The following CSK variants were observed in gnomAD, a reference collection of about 807,000 sequenced individuals.
The protein encoded by CSK is C-terminal Src kinase.
In CSK, 7 loss-of-function variants were observed where a neutral mutation model predicts 62.3. The observed-to-expected ratio is 0.11, with a 90% CI of 0.06 to 0.21. The LOEUF (loss-of-function observed/expected upper bound fraction) is 0.21. CSK is among the 10% of genes least tolerant of loss of function. CSK has a pLI of 1.00. For synonymous variants in CSK, 237 were observed against 246.0 expected (o/e 0.96, Z 0.34); for missense variants, 294 against 613.5 (o/e 0.48, Z 5.50).
chr15:74,798,344 A>G lies in CSK; in HGVS notation c.15+32A>G, dbSNP rs759294003. On this transcript the variant is annotated intron_variant, in intron 2 of 12. Transcript: ENST00000220003. This position sits in a 1 kb window ranked among gnomAD's most constrained non-coding sequence, Gnocchi z 6.6. ...CAGGGGTGAGGGTCTGGGACATGCA[A>G]GCATTCCCACCAGCCCCAGCGGGGT... The G allele has an allele frequency of 6.3e-7, 1 of 1,592,842 alleles. No homozygotes were observed. Among genetic ancestry groups the G allele is most frequent in the Non-Finnish European group, 8.6e-7 (1 of 1,167,116 alleles).
intron 1 of CSK, among the ~76,000 whole-genome samples, chr15:74,796,969 CTCACTCTGTCGCCCAGGCTGGAGT>C (rs2063716257): frequency 1.3e-5 from 2 of 152,060 alleles, no homozygotes; most frequent in African/African-American, 4.8e-5. Flanking sequence ...GAGGCAGGGT[CTCACTCTGTCGCCCAGGCTGGAGT>C]GCAGTGGTGT....
In CSK at chr15:74,798,907, G is replaced by A; in HGVS notation, c.211G>A (p.Val71Met). The change falls in exon 4 of 13, where the codon GTG (valine) becomes ATG (methionine). Residue 71 changes from valine (V) to methionine (M), a missense_variant. By Grantham distance (21) the Val-to-Met change is conservative. This residue lies in a region of CSK where 202 missense variants were observed against 415.7 expected (regional missense o/e 0.49). Transcript: ENST00000220003. This position sits in a 1 kb window ranked among gnomAD's most constrained non-coding sequence, Gnocchi z 6.6. ...CAACTACGTCCAGAAGCGGGAGGGC[G>A]TGAAGGCGGGTACCAAACTCAGCCT... Reference protein sequence around the residue: ...PANYVQKREGVKAGTKLSLMP... With the variant: ...PANYVQKREGMKAGTKLSLMP... 3 of 1,537,802 alleles carry A rather than the reference G, an allele frequency of 2.0e-6. No homozygotes were observed. The highest frequency in any genetic ancestry group is 2.6e-6 in the Non-Finnish European group (3 of 1,143,352).
chr15:74,785,721 C>T (rs983781610), intron 1 of CSK, among the ~76,000 whole-genome samples: 2 of 152,182 alleles, frequency 1.3e-5, no homozygotes, highest in South Asian at 2.1e-4. Flanking sequence ...GCCTGAGCCA[C>T]GGGCCAATGT....
chr15:74,791,382 TC>T (rs1351046505), intron 1 of CSK, among the ~76,000 whole-genome samples: 3 of 152,198 alleles, frequency 2.0e-5, no homozygotes, highest in Non-Finnish European at 4.4e-5. Context: ...TTACTCTATC[TC>T]TTCTTTTATC....
At chr15:74,790,853 G>A (rs946646490) in intron 1 of CSK, 1 of 152,216 alleles carries the variant, frequency 6.6e-6, no homozygotes, top group Non-Finnish European at 1.5e-5. Context: ...GCCACAACCA[G>A]TGAGGTTCTC....
intron 10 of CSK, 47 bp from the exon 11 acceptor site, chr15:74,801,648 C>A: frequency 6.2e-7 from 1 of 1,610,044 alleles, no homozygotes; most frequent in Non-Finnish European, 8.5e-7. Context: ...CCCTGCCCTG[C>A]TATGGGAGCC....
chr15:74,783,810 A>G (rs2063475374), intron 1 of CSK, among the ~76,000 whole-genome samples: 3 of 152,200 alleles, frequency 2.0e-5, no homozygotes, highest in South Asian at 4.1e-4. Context: ...CTGAGTTGAA[A>G]CAACCTGGTG....
rs74607979 is a variant in CSK at position 74,798,957 on chromosome 15, G to A, written c.242+19G>A. The A allele has an allele frequency of 6.7e-7, 1 of 1,487,114 alleles. No individual in the cohort carries two copies. Among genetic ancestry groups the A allele is most frequent in the African/African-American group, 2.0e-5 (1 of 49,578 alleles). The allele number at this position is 1,487,114 out of a possible 1,614,324, so 92.1% of individuals were successfully genotyped here. On this transcript the variant is annotated intron_variant, in intron 4 of 12. Coordinates refer to ENST00000220003, the MANE Select transcript of CSK (RefSeq NM_004383.3). This position sits in a 1 kb window ranked among gnomAD's most constrained non-coding sequence, Gnocchi z 6.6. ...TCATGCCGTGAGTACCACGAGGAGG[G>A]GTTGGGGAGGGAAGGGGCCTTGGTC...
chr15:74,800,173 G>A (rs2063766861), intron 5 of CSK, among the ~76,000 whole-genome samples: 1 of 152,236 alleles, frequency 6.6e-6, no homozygotes, highest in South Asian at 2.1e-4. Context: ...ATGGGGCCCA[G>A]AGTGGTAGCA....
At position 74,801,164 on chromosome 15, in the gene CSK, T is replaced by C. The variant is rs752623253; in HGVS notation, c.813+62T>C. ...AACTGCCCCGAAACCCCCACTGTGCTCTAGGGCCCCTGCTCCCTCAGTCCC... is the reference window on the plus strand; with the variant it reads ...AACTGCCCCGAAACCCCCACTGTGCCCTAGGGCCCCTGCTCCCTCAGTCCC... On this transcript the variant is annotated intron_variant, in intron 9 of 12. Transcript: ENST00000220003. 246 of 1,582,584 alleles carry C rather than the reference T, an allele frequency of 1.6e-4. 1 individual carries two copies. Among genetic ancestry groups the C allele is most frequent in the Non-Finnish European group, 1.4e-4 (157 of 1,153,164 alleles).
chr15:74,787,387 C>T (rs2063539385), intron 1 of CSK, among the ~76,000 whole-genome samples: 1 of 151,920 alleles, frequency 6.6e-6, no homozygotes, highest in Non-Finnish European at 1.5e-5. Flanking sequence ...TGATGTGGCC[C>T]ATTAAGTGTA....
At chr15:74,783,032 A>T (rs2063460619) in intron 1 of CSK, among the ~76,000 whole-genome samples, 1 of 152,142 alleles carries the variant, frequency 6.6e-6, no homozygotes, top group Admixed American at 6.5e-5. Context: ...GAGGATCCGT[A>T]TGGGCCAGGT....
At position 74,795,629 on chromosome 15, in the gene CSK, C is replaced by T. The variant is rs79447434; in HGVS notation, c.-65-2604C>T. On this transcript the variant is annotated intron_variant, in intron 1 of 12. Coordinates refer to ENST00000220003, the MANE Select transcript of CSK (RefSeq NM_004383.3). ...GGATTACAAAGTATGTGTGTGCAGACGGGTGGGTTGCTGCTCTCAGGGAAT... is the reference window on the plus strand; with the variant it reads ...GGATTACAAAGTATGTGTGTGCAGATGGGTGGGTTGCTGCTCTCAGGGAAT... 7.1e-3 allele frequency among the ~76,000 whole-genome samples: 1,087 copies of T among 152,210 alleles called. 9 individuals carry two copies. Among genetic ancestry groups the T allele is most frequent in the African/African-American group, 0.024 (1,006 of 41,536 alleles).
chr15:74,801,197 C>T, intron 9 of CSK, 95 bp downstream of exon 9: 2 of 1,406,718 alleles, frequency 1.4e-6, no homozygotes, highest in Admixed American at 1.7e-5. Flanking sequence ...CCCCCGACCC[C>T]AAGTGAGCTT....
chr15:74,798,484 C>A lies in CSK; in HGVS notation c.16-131C>A. ...AGTCTCAACAGGAAGGGACCCAGGG[C>A]TCGTTCTCCGGGCAGAGCACCTCAC... On this transcript the variant is annotated intron_variant, in intron 2 of 12. Coordinates refer to ENST00000220003, the MANE Select transcript of CSK (RefSeq NM_004383.3). This position sits in a 1 kb window ranked among gnomAD's most constrained non-coding sequence, Gnocchi z 6.6. The A allele has an allele frequency of 8.2e-7, 1 of 1,215,250 alleles. No individual in the cohort carries two copies. The highest frequency in any genetic ancestry group is 1.5e-5 in the African/African-American group (1 of 66,470). The allele number at this position is 1,215,250 out of a possible 1,614,324, so 75.3% of individuals were successfully genotyped here.
At chr15:74,791,732 C>T (rs35231030) in intron 1 of CSK, among the ~76,000 whole-genome samples, 7,208 of 152,234 alleles carry the variant, frequency 0.047, 574 homozygotes, top group African/African-American at 0.17. Context: ...ATGAAGAGTC[C>T]GGGCCAGTTG....
In CSK at chr15:74,802,550, C is replaced by T. The variant is rs2063809710; in HGVS notation, c.*37C>T. 6.2e-7 allele frequency: 1 copy of T among 1,601,880 alleles called. No individual in the cohort carries two copies. The highest frequency in any genetic ancestry group is 1.3e-5 in the African/African-American group (1 of 74,136). On this transcript the variant is annotated 3_prime_UTR_variant, in exon 13 of 13. Coordinates refer to ENST00000220003, the MANE Select transcript of CSK (RefSeq NM_004383.3). ...CGCCTGGGTCATGGGCCTGTGGGGA[C>T]TGAACCTGGAAGATCATGGACCTGG...
chr15:74,790,727 T>C lies in CSK; in HGVS notation c.-65-7506T>C, dbSNP rs1406159661. The C allele has an allele frequency of 2.0e-5, 3 of 152,382 alleles. No homozygotes were observed. In the East Asian group the frequency reaches 5.8e-4, roughly 29 times the overall value. 9.4% of individuals were successfully genotyped at this position (152,382 alleles called of 1,614,324 possible). A position where few individuals can be genotyped will look rare whatever the true frequency, so the allele number is the denominator to read the frequency against. On this transcript the variant is annotated intron_variant, in intron 1 of 12. Coordinates refer to ENST00000220003, the MANE Select transcript of CSK (RefSeq NM_004383.3). ...CGTCCCCTTTTTTTCATTCGTTCAT[T>C]CATTCATTCATTCAGCACTCATTTA... is the stretch of plus-strand genomic sequence containing the variant.
At position 74,799,949 on chromosome 15, in the gene CSK, G is replaced by A. The variant is rs35628778; in HGVS notation, c.462+458G>A. On this transcript the variant is annotated intron_variant, in intron 5 of 12. Coordinates refer to ENST00000220003, the MANE Select transcript of CSK (RefSeq NM_004383.3). ...TGCACGGACATGCCCACAGGTCCCTGCAGCTTCCCAGGCCAGCTCTGCCAG... is the reference window on the plus strand; with the variant it reads ...TGCACGGACATGCCCACAGGTCCCTACAGCTTCCCAGGCCAGCTCTGCCAG... Among the ~76,000 whole-genome samples the A allele has an allele frequency of 1.4e-3, 206 of 152,306 alleles. 2 individuals carry two copies. Among genetic ancestry groups the A allele is most frequent in the Middle Eastern group, 6.8e-3 (2 of 294 alleles).
Sources: gnomAD v4.1 joint callset for allele counts (sites outside exome capture counted in the v4.1 genomes callset) on GRCh38, gnomAD v4.1.1 for gene constraint, gnomAD v4.1.1 regional missense constraint, Gnocchi (gnomAD v3.1) non-coding constraint, MANE v1.5 for transcripts, NCBI Gene and HGNC (gene_info 2026-07-23, HGNC 2026-07-21) for gene names.